BACE2: variants seen among roughly 807,000 people sequenced by gnomAD.
BACE2 encodes beta-secretase 2.
BACE2 carries 17 observed loss-of-function variants against 46.2 expected under a neutral mutation model. The observed-to-expected ratio is 0.37, with a 90% confidence interval of 0.25 to 0.55. The LOEUF is 0.55. Among genes scored for constraint, BACE2 ranks in the 20% least tolerant of loss-of-function variants. BACE2 has a pLI of 0.82. For missense variants in BACE2, 595 were observed against 698.1 expected (o/e 0.85, Z 1.66); for synonymous variants, 277 against 295.9 (o/e 0.94, Z 0.66).
intron 1 of BACE2, among the ~76,000 whole-genome samples, chr21:41,203,723 G>T (rs867308058): frequency 9.2e-5 from 14 of 152,042 alleles, no homozygotes; most frequent in African/African-American, 3.4e-4. Flanking sequence ...CAGCACAGGC[G>T]CTGGGACACC....
chr21:41,241,398 C>T (rs1346982291), intron 3 of BACE2, among the ~76,000 whole-genome samples: 2 of 152,088 alleles, frequency 1.3e-5, no homozygotes, highest in Admixed American at 6.5e-5. Context: ...TGGACAGCTG[C>T]GGCTGACAGG....
In BACE2 at chr21:41,213,729, G is replaced by A. The variant is rs1001901610; in HGVS notation, c.313-12537G>A. On this transcript the variant is annotated intron_variant, in intron 1 of 8. Transcript: ENST00000330333. ...GTAGAGGTTGCAGTGAGCCAAGATC[G>A]CGCCACTGCATGCCAGCCTGGGTGA... Among the ~76,000 whole-genome samples, 6 of 151,966 alleles carry A rather than the reference G, an allele frequency of 3.9e-5. No homozygotes were observed. The East Asian group carries it at 9.7e-4, about 25-fold the overall frequency.
At chr21:41,244,863 C>CTGTG (rs58015507) in intron 5 of BACE2, among the ~76,000 whole-genome samples, 5,969 of 150,554 alleles carry the variant, frequency 0.04, 340 homozygotes, top group African/African-American at 0.13. Context: ...TACAAAACCT[C>CTGTG]TGTGTGTGTG....
intron 7 of BACE2, among the ~76,000 whole-genome samples, chr21:41,251,803 AAAAAAAC>A (rs893978765): frequency 1.3e-5 from 2 of 152,122 alleles, no homozygotes; most frequent in Admixed American, 6.5e-5. Context: ...CTGTCTCAGA[AAAAAAAC>A]AAAAAACAAA....
At position 41,168,836 on chromosome 21, in the gene BACE2, G is replaced by T. The variant is rs545787750; in HGVS notation, c.312+261G>T. Among the ~76,000 whole-genome samples, 9 of 152,244 alleles carry T rather than the reference G, an allele frequency of 5.9e-5. No individual in the cohort carries two copies. In the East Asian group the frequency reaches 1.8e-3, roughly 30 times the overall value. ...GAACTTGTGAGCTCCCCCTCCGCGG[G>T]GCTGGGCGGGAGAGGAGACCTGGAA... On this transcript the variant is annotated intron_variant, in intron 1 of 8. Transcript: ENST00000330333.
At chr21:41,240,691 A>T (rs1007088382) in intron 3 of BACE2, among the ~76,000 whole-genome samples, 5 of 152,168 alleles carry the variant, frequency 3.3e-5, no homozygotes, top group African/African-American at 1.2e-4. Flanking sequence ...ATTTTGTCTC[A>T]CTGGTTGACC....
chr21:41,173,918 A>G (rs1225673451), intron 1 of BACE2, among the ~76,000 whole-genome samples: 1 of 152,078 alleles, frequency 6.6e-6, no homozygotes, highest in Non-Finnish European at 1.5e-5. Context: ...TCAGTATTTC[A>G]TGTTTTAAAG....
intron 1 of BACE2, among the ~76,000 whole-genome samples, chr21:41,202,779 A>G (rs1986002508): frequency 6.6e-6 from 1 of 152,172 alleles, no homozygotes; most frequent in African/African-American, 2.4e-5. Flanking sequence ...TGCTCCCCAG[A>G]CCTGGCTGAT....
intron 6 of BACE2, among the ~76,000 whole-genome samples, chr21:41,248,123 G>T (rs999396350): frequency 9.2e-5 from 14 of 152,174 alleles, no homozygotes; most frequent in African/African-American, 3.4e-4. Context: ...CCCATGCAGA[G>T]GCACCGAGAC....
chr21:41,170,163 G>A (rs1984552786), intron 1 of BACE2, among the ~76,000 whole-genome samples: 1 of 151,940 alleles, frequency 6.6e-6, no homozygotes, highest in Non-Finnish European at 1.5e-5. Flanking sequence ...CCAGAGCAAA[G>A]GGGAAAGGGA....
chr21:41,251,678 G>A (rs1332790572), intron 7 of BACE2, among the ~76,000 whole-genome samples: 1 of 152,066 alleles, frequency 6.6e-6, no homozygotes, highest in African/African-American at 2.4e-5. Flanking sequence ...GTGCATGCCT[G>A]TAATCCCAGC....
chr21:41,222,783 G>C (rs1308779917), intron 1 of BACE2, among the ~76,000 whole-genome samples: 1 of 152,220 alleles, frequency 6.6e-6, no homozygotes, highest in African/African-American at 2.4e-5. Flanking sequence ...GAGGTGAGGG[G>C]TGGGCCGGTG....
At chr21:41,240,215 G>C (rs1217706010) in intron 3 of BACE2, among the ~76,000 whole-genome samples, 1 of 152,176 alleles carries the variant, frequency 6.6e-6, no homozygotes, top group Admixed American at 6.5e-5. Context: ...GCAGTGGTCA[G>C]GTTGTGTGGT....
At chr21:41,196,652 A>G (rs927224809) in intron 1 of BACE2, among the ~76,000 whole-genome samples, 2 of 152,246 alleles carry the variant, frequency 1.3e-5, no homozygotes, top group Non-Finnish European at 2.9e-5. Flanking sequence ...GAAACTTCCC[A>G]GGACAAAGGT....
intron 1 of BACE2, among the ~76,000 whole-genome samples, chr21:41,169,552 T>G (rs1305102067): frequency 6.6e-6 from 1 of 152,194 alleles, no homozygotes; most frequent in Non-Finnish European, 1.5e-5. Flanking sequence ...ATGCACTATT[T>G]GAAGATAGTT....
At chr21:41,254,720 A>G (rs964947964) in intron 7 of BACE2, among the ~76,000 whole-genome samples, 4 of 152,236 alleles carry the variant, frequency 2.6e-5, no homozygotes, top group Non-Finnish European at 4.4e-5. Flanking sequence ...AGGGATATCA[A>G]TGGCCGACTC....
chr21:41,186,767 T>C (rs9981478), intron 1 of BACE2: 6,064 of 152,364 alleles, frequency 0.04, 205 homozygotes, highest in African/African-American at 0.09. Flanking sequence ...GGCTGCTCCA[T>C]AGGCTGTGTG....
chr21:41,245,994 C>G lies in BACE2; in HGVS notation c.915C>G (p.Gly305=). ...YNADKAIVDS[G]TTLLRLPQKV... ...CAGACAAGGCCATCGTGGACAGTGG[C>G]ACCACGCTGCTGCGCCTGCCCCAGA... The change falls in exon 6 of 9, where the codon GGC becomes GGG. Residue 305 remains glycine (G), a synonymous_variant. Transcript: ENST00000330333. 1 of 1,611,196 alleles carries G rather than the reference C, an allele frequency of 6.2e-7. No homozygotes were observed. The highest frequency in any genetic ancestry group is 1.1e-5 in the South Asian group (1 of 90,246).
intron 1 of BACE2, among the ~76,000 whole-genome samples, chr21:41,212,711 G>A (rs997736853): frequency 6.6e-6 from 1 of 152,154 alleles, no homozygotes; most frequent in Non-Finnish European, 1.5e-5. Context: ...GCTCCCAGGA[G>A]CATTCACTCC....
Sources: gnomAD v4.1 joint callset for allele counts (sites outside exome capture counted in the v4.1 genomes callset) on GRCh38, gnomAD v4.1.1 for gene constraint, MANE v1.5 for transcripts, NCBI Gene and HGNC (gene_info 2026-07-23, HGNC 2026-07-21) for gene names.